Variants in TMEM9 observed in about 807,000 individuals in gnomAD.
TMEM9 encodes the protein proton-transporting V-type ATPase complex assembly regulator TMEM9.
TMEM9 carries 13 observed loss-of-function variants against 22.8 expected under a neutral mutation model. The ratio of observed to expected loss-of-function variants is 0.57; its 90% CI spans 0.37 to 0.91. The LOEUF is 0.91. Ranked by LOEUF, TMEM9 falls within the 40% of genes least tolerant of loss-of-function variation. The pLI is 0.01. For missense variants in TMEM9, 182 were observed against 238.1 expected, an observed-to-expected ratio of 0.76 and a Z score of 1.55; for synonymous variants, 88 against 93.0, an observed-to-expected ratio of 0.95 and a Z score of 0.31.
intron 1 of TMEM9, among the ~76,000 whole-genome samples, chr1:201,161,677 T>A (rs1469733221): frequency 6.6e-6 from 1 of 152,234 alleles, no homozygotes; most frequent in Non-Finnish European, 1.5e-5. Flanking sequence ...TCCCTTACAA[T>A]ACATTATTTT....
intron 3 of TMEM9, 107 bp downstream of exon 3, chr1:201,146,633 C>A: frequency 8.4e-7 from 1 of 1,194,568 alleles, no homozygotes; most frequent in South Asian, 1.2e-5. Context: ...AGTCTCATAG[C>A]CATTGGGACA....
Position 201,154,038 on chromosome 1 carries a change from C to G in TMEM9, c.-115G>C. 1 of 1,283,220 alleles carries G rather than the reference C, an allele frequency of 7.8e-7. No homozygotes were observed. The allele number at this position is 1,283,220 out of a possible 1,614,324, so 79.5% of individuals were successfully genotyped here. ...GCACGCTAGGCCCTTAACCATCCGG[C>G]CAAGTGGGAATGGGGTTGGGGGCTG... On this transcript the variant is annotated 5_prime_UTR_variant, in exon 1 of 5. Coordinates refer to ENST00000367330, the MANE Select transcript of TMEM9 (RefSeq NM_001288565.2).
chr1:201,161,129 C>A (rs774818009), intron 1 of TMEM9, among the ~76,000 whole-genome samples: 1 of 152,028 alleles, frequency 6.6e-6, no homozygotes, highest in Non-Finnish European at 1.5e-5. Flanking sequence ...AAATTTAGCA[C>A]GAAGAGTGGC....
upstream of TMEM9, among the ~76,000 whole-genome samples, chr1:201,157,337 C>T (rs1290392767): frequency 3.9e-5 from 6 of 152,138 alleles, no homozygotes; most frequent in African/African-American, 1.4e-4. Flanking sequence ...TGTACATGTG[C>T]TAACAAAAAA....
intron 2 of TMEM9, among the ~76,000 whole-genome samples, chr1:201,150,435 ACT>A (rs1307010222): frequency 6.6e-6 from 1 of 152,226 alleles, no homozygotes; most frequent in Admixed American, 6.5e-5. Context: ...TGCTATAGTT[ACT>A]GACCTGTGCA....
chr1:201,155,444 G>T (rs1665759769), upstream of TMEM9, among the ~76,000 whole-genome samples: 1 of 152,172 alleles, frequency 6.6e-6, no homozygotes, highest in Non-Finnish European at 1.5e-5. Flanking sequence ...GAACTGAGGT[G>T]GGCACTTATC....
At position 201,154,170 on chromosome 1, in the gene TMEM9, C is replaced by T. The variant is rs924601244; in HGVS notation, c.-247G>A. On this transcript the variant is annotated 5_prime_UTR_variant, in exon 1 of 5. Coordinates refer to ENST00000367330, the MANE Select transcript of TMEM9 (RefSeq NM_001288565.2). ...CACCTGGTGAGCCCGGCAGAGGGGT[C>T]CTCGAGGGGACACCGCTGCCAGGGG... 8.2e-6 allele frequency: 4 copies of T among 488,606 alleles called. No individual in the cohort carries two copies. The highest frequency in any genetic ancestry group is 1.5e-5 in the Non-Finnish European group (4 of 275,468). The allele number at this position is 488,606 out of a possible 1,614,324, so 30.3% of individuals were successfully genotyped here. A position where few individuals can be genotyped will look rare whatever the true frequency, so the allele number is the denominator to read the frequency against.
intron 4 of TMEM9, among the ~76,000 whole-genome samples, chr1:201,137,505 C>CAT (rs1220197145): frequency 7.3e-5 from 11 of 150,596 alleles, no homozygotes; most frequent in African/African-American, 2.7e-4. Flanking sequence ...CACACACACA[C>CAT]ACACACACAC....
At chr1:201,140,652 A>T (rs1039049336) in intron 4 of TMEM9, among the ~76,000 whole-genome samples, 1 of 152,026 alleles carries the variant, frequency 6.6e-6, no homozygotes, top group Non-Finnish European at 1.5e-5. Flanking sequence ...ACCCTGAAAA[A>T]ATGCCCTGAC....
chr1:201,169,603 T>C (rs1361691934), intron 1 of TMEM9, among the ~76,000 whole-genome samples: 2 of 152,170 alleles, frequency 1.3e-5, no homozygotes, highest in African/African-American at 4.8e-5. Context: ...ATCTTGGTGG[T>C]GATAGCAGTC....
intron 4 of TMEM9, among the ~76,000 whole-genome samples, chr1:201,138,146 C>G (rs1664166628): frequency 6.6e-6 from 1 of 152,084 alleles, no homozygotes; most frequent in Non-Finnish European, 1.5e-5. Flanking sequence ...GGGTGCTACG[C>G]TTGGAAGGGT....
At chr1:201,150,631 C>T (rs1360984057) in intron 2 of TMEM9, among the ~76,000 whole-genome samples, 2 of 152,118 alleles carry the variant, frequency 1.3e-5, no homozygotes, top group Admixed American at 6.5e-5. Flanking sequence ...AACTAGACTG[C>T]CTCTCAGAAA....
At chr1:201,149,654 T>C (rs906291767) in intron 2 of TMEM9, among the ~76,000 whole-genome samples, 3 of 152,190 alleles carry the variant, frequency 2.0e-5, no homozygotes. Context: ...GGACCGCATG[T>C]CAGATGATTC....
upstream of TMEM9, among the ~76,000 whole-genome samples, chr1:201,157,404 A>G (rs138223582): frequency 3.4e-3 from 521 of 152,236 alleles, 4 homozygotes; most frequent in African/African-American, 0.012. Context: ...CTTTTCTATG[A>G]GTGCAGCTGC....
chr1:201,170,265 A>G (rs59046214), intron 1 of TMEM9, among the ~76,000 whole-genome samples: 2,270 of 152,300 alleles, frequency 0.015, 63 homozygotes, highest in African/African-American at 0.051. Flanking sequence ...CAGGAAGGTC[A>G]GGACACCTTG....
At chr1:201,141,992 C>T (rs1664565867) in intron 4 of TMEM9, among the ~76,000 whole-genome samples, 1 of 152,216 alleles carries the variant, frequency 6.6e-6, no homozygotes, top group Non-Finnish European at 1.5e-5. Flanking sequence ...TACCACATTA[C>T]CCCTAATCGC....
intron 1 of TMEM9, among the ~76,000 whole-genome samples, chr1:201,152,724 C>T (rs1311730068): frequency 5.9e-5 from 9 of 152,204 alleles, no homozygotes; most frequent in South Asian, 2.1e-4. Context: ...AACAAAAATT[C>T]GAAATGCTCC....
chr1:201,139,443 C>T (rs61819466), intron 4 of TMEM9, among the ~76,000 whole-genome samples: 9,409 of 152,312 alleles, frequency 0.062, 395 homozygotes, highest in Non-Finnish European at 0.091. Context: ...CTGCACGCTG[C>T]GGCTAGGGCC....
intron 1 of TMEM9, among the ~76,000 whole-genome samples, chr1:201,159,828 G>A (rs959178607): frequency 1.3e-5 from 2 of 152,162 alleles, no homozygotes; most frequent in Admixed American, 6.5e-5. Context: ...ACACACAGAT[G>A]TAATATGCAC....
Sources: gnomAD v4.1 joint callset for allele counts (sites outside exome capture counted in the v4.1 genomes callset) on GRCh38, gnomAD v4.1.1 for gene constraint, MANE v1.5 for transcripts, NCBI Gene and HGNC (gene_info 2026-07-23, HGNC 2026-07-21) for gene names.